Variants in PAMR1 observed in about 807,000 individuals in gnomAD.
PAMR1 encodes the protein peptidase domain containing associated with muscle regeneration 1.
In PAMR1, 88 loss-of-function variants were observed where a neutral mutation model predicts 81.8. The observed-to-expected ratio is 1.08, with a 90% CI of 0.91 to 1.28. The LOEUF (loss-of-function observed/expected upper bound fraction) is 1.28, where lower values mean the gene tolerates loss of function less well. PAMR1 is among the 50% of genes most tolerant of loss of function. The pLI is 0.00. For missense variants in PAMR1, 935 were observed against 919.7 expected (o/e 1.02, Z -0.21); for synonymous variants, 336 against 345.3 (o/e 0.97, Z 0.30).
At chr11:35,457,166 T>C (rs184252366) in intron 6 of PAMR1, among the ~76,000 whole-genome samples, 346 of 152,264 alleles carry the variant, frequency 2.3e-3, no homozygotes, top group African/African-American at 7.8e-3. Flanking sequence ...CTGGAAGAGA[T>C]TGGTGTTTGA....
intron 1 of PAMR1, among the ~76,000 whole-genome samples, chr11:35,504,613 T>A (rs1274416630): frequency 6.6e-6 from 1 of 152,084 alleles, no homozygotes; most frequent in African/African-American, 2.4e-5. Context: ...CCTTGGTAGG[T>A]TGCAAGTGCC....
chr11:35,439,661 T>C lies in PAMR1; in HGVS notation c.1066A>G (p.Arg356Gly). 2 of 1,614,018 alleles carry C rather than the reference T, an allele frequency of 1.2e-6. No individual in the cohort carries two copies. Among genetic ancestry groups the C allele is most frequent in the East Asian group, 4.5e-5 (2 of 44,884 alleles). Residue 356 changes from arginine (R) to glycine (G), a missense_variant, in exon 8 of 11, where the codon AGA becomes GGA. Physicochemically the swap from Arg to Gly is moderately radical, Grantham distance 125. Coordinates refer to ENST00000619888, the MANE Select transcript of PAMR1 (RefSeq NM_001001991.3). ...ACCTGCATCGGAAGAACTCTCCTTCTCACCAGGTCTGAAATCTTTGGTTCT... is the reference window on the plus strand; with the variant it reads ...ACCTGCATCGGAAGAACTCTCCTTCCCACCAGGTCTGAAATCTTTGGTTCT... ...CREPKISDLV[R>G]RRVLPMQVQS...
At chr11:35,470,875 C>CA in intron 4 of PAMR1, 57 bp from the exon 5 acceptor site, 2 of 1,240,860 alleles carry the variant, frequency 1.6e-6, no homozygotes, top group Non-Finnish European at 2.4e-6. Context: ...GTCCTGAGAC[C>CA]GCTGGGCTCA....
chr11:35,451,242 C>T (rs1406271091), intron 6 of PAMR1, among the ~76,000 whole-genome samples: 1 of 152,302 alleles, frequency 6.6e-6, no homozygotes, highest in Admixed American at 6.5e-5. Flanking sequence ...GTGGATTTAA[C>T]TAGCAGAAAC....
chr11:35,472,106 G>A (rs1233636132), intron 4 of PAMR1, among the ~76,000 whole-genome samples: 1 of 152,152 alleles, frequency 6.6e-6, no homozygotes, highest in East Asian at 1.9e-4. Flanking sequence ...GAGCTTTTGG[G>A]GTGTAGGTCC....
At chr11:35,477,697 C>A (rs1193898417) in intron 3 of PAMR1, among the ~76,000 whole-genome samples, 1 of 152,128 alleles carries the variant, frequency 6.6e-6, no homozygotes, top group Non-Finnish European at 1.5e-5. Flanking sequence ...CTGTTTGTAT[C>A]GAGTGGCAGA....
At chr11:35,457,144 G>A (rs2135362562) in intron 6 of PAMR1, among the ~76,000 whole-genome samples, 1 of 152,304 alleles carries the variant, frequency 6.6e-6, no homozygotes, top group South Asian at 2.1e-4. Context: ...GGGCATGTCT[G>A]TGAGGGTGTT....
At chr11:35,474,563 G>C in intron 4 of PAMR1, 67 bp downstream of exon 4, 2 of 878,180 alleles carry the variant, frequency 2.3e-6, no homozygotes, top group Non-Finnish European at 3.6e-6. Flanking sequence ...CAGTGACCAA[G>C]AGCCTTCCAT....
At chr11:35,459,630 G>A (rs554989659) in intron 6 of PAMR1, among the ~76,000 whole-genome samples, 2 of 152,142 alleles carry the variant, frequency 1.3e-5, no homozygotes, top group South Asian at 2.1e-4. Flanking sequence ...AGATTCCTCG[G>A]CTGCTAGGCA....
chr11:35,440,357 G>A (rs1216917091), intron 7 of PAMR1, among the ~76,000 whole-genome samples: 4 of 152,224 alleles, frequency 2.6e-5, no homozygotes, highest in Admixed American at 2.0e-4. Flanking sequence ...AAGGACATAT[G>A]TGACACCGTT....
intron 1 of PAMR1, among the ~76,000 whole-genome samples, chr11:35,521,176 T>C (rs974203755): frequency 6.6e-6 from 1 of 152,198 alleles, no homozygotes; most frequent in Non-Finnish European, 1.5e-5. Flanking sequence ...TAAAACATTT[T>C]ACTAAAGAGT....
intron 6 of PAMR1, among the ~76,000 whole-genome samples, chr11:35,457,526 T>C (rs1192339253): frequency 1.3e-5 from 2 of 152,196 alleles, no homozygotes; most frequent in Admixed American, 6.5e-5. Context: ...ATATAAATTC[T>C]ATTAGTTCTG....
intron 1 of PAMR1, among the ~76,000 whole-genome samples, chr11:35,524,292 A>T (rs1851343459): frequency 6.6e-6 from 1 of 152,154 alleles, no homozygotes; most frequent in Non-Finnish European, 1.5e-5. Flanking sequence ...CTTTATTGTA[A>T]ATCATTAAGG....
intron 6 of PAMR1, chr11:35,451,856 G>A: frequency 1.4e-6 from 1 of 700,280 alleles, no homozygotes; most frequent in South Asian, 1.6e-5. Context: ...TGAGGATACA[G>A]CAAGAAGTCA....
intron 1 of PAMR1, among the ~76,000 whole-genome samples, chr11:35,503,090 A>G (rs1850883981): frequency 6.6e-6 from 1 of 152,136 alleles, no homozygotes; most frequent in South Asian, 2.1e-4. Context: ...TATTGAAGAG[A>G]CTGTTCTTTT....
upstream of PAMR1, among the ~76,000 whole-genome samples, chr11:35,528,454 A>G (rs1851423714): frequency 6.6e-6 from 1 of 152,176 alleles, no homozygotes; most frequent in African/African-American, 2.4e-5. Flanking sequence ...TTGTCTTGCC[A>G]CTTCTCTGCA....
intron 1 of PAMR1, among the ~76,000 whole-genome samples, chr11:35,511,633 T>C (rs552872551): frequency 4.6e-4 from 70 of 152,332 alleles, no homozygotes; most frequent in Middle Eastern, 3.4e-3. Context: ...GTTTTATTTT[T>C]ACCGTCTGAA....
At chr11:35,504,180 AT>A (rs1289181095) in intron 1 of PAMR1, among the ~76,000 whole-genome samples, 2 of 151,820 alleles carry the variant, frequency 1.3e-5, no homozygotes, top group African/African-American at 4.8e-5. Flanking sequence ...ATGTCTGTTT[AT>A]TTGCATATTA....
chr11:35,528,870 G>A (rs1377393567), upstream of PAMR1: 1 of 152,174 alleles, frequency 6.6e-6, no homozygotes, highest in South Asian at 2.1e-4. Flanking sequence ...CTGAGGACCT[G>A]GAAAGAAACT....
Sources: allele counts gnomAD v4.1 joint callset (sites outside exome capture counted in the v4.1 genomes callset), GRCh38; gene constraint gnomAD v4.1.1; transcripts MANE v1.5; gene names NCBI Gene and HGNC (gene_info 2026-07-23, HGNC 2026-07-21).